Variants in TANC2 observed in about 807,000 individuals in gnomAD.
TANC2 encodes the protein tetratricopeptide repeat, ankyrin repeat and coiled-coil containing 2, also known as protein TANC2.
TANC2 carries 26 observed loss-of-function variants against 210.5 expected under a neutral mutation model. The observed-to-expected ratio is 0.12, with a 90% CI of 0.09 to 0.17. The LOEUF (loss-of-function observed/expected upper bound fraction) is 0.17. Among genes scored for constraint, TANC2 ranks in the 10% least tolerant of loss-of-function variants. The pLI is 1.00. For missense variants in TANC2, 2,129 were observed against 2,608.9 expected (o/e 0.82, Z 4.01); for synonymous variants, 931 against 967.1 (o/e 0.96, Z 0.69).
At chr17:63,200,446 G>A (rs923168963) in intron 6 of TANC2, among the ~76,000 whole-genome samples, 11 of 151,636 alleles carry the variant, frequency 7.3e-5, no homozygotes, top group Non-Finnish European at 1.2e-4. Context: ...TGATTGCAAG[G>A]AAAACTTGCA....
chr17:63,102,107 C>T (rs1488969860), intron 4 of TANC2, among the ~76,000 whole-genome samples: 2 of 151,984 alleles, frequency 1.3e-5, no homozygotes, highest in Non-Finnish European at 2.9e-5. Context: ...TTGAGACCAC[C>T]CTGGACAACA....
At chr17:63,258,245 A>G (rs1423812086) in intron 8 of TANC2, among the ~76,000 whole-genome samples, 1 of 151,828 alleles carries the variant, frequency 6.6e-6, no homozygotes, top group African/African-American at 2.4e-5. Context: ...GCTCCTTTGT[A>G]TGTTGTTTCT....
intron 3 of TANC2, among the ~76,000 whole-genome samples, chr17:63,078,525 C>G (rs1359711094): frequency 6.6e-6 from 1 of 151,972 alleles, no homozygotes; most frequent in Non-Finnish European, 1.5e-5. Context: ...AAAGCTTTCT[C>G]TTCTAATATA....
At chr17:63,188,903 C>A (rs537357007) in intron 5 of TANC2, among the ~76,000 whole-genome samples, 2 of 150,746 alleles carry the variant, frequency 1.3e-5, no homozygotes, top group African/African-American at 4.9e-5. Context: ...CACCCCCCCC[C>A]AAAAAAAAAT....
intron 5 of TANC2, among the ~76,000 whole-genome samples, chr17:63,179,157 C>T (rs528138019): frequency 1.3e-5 from 2 of 152,056 alleles, no homozygotes; most frequent in African/African-American, 2.4e-5. Flanking sequence ...TTATTTCCCC[C>T]GTGAGACTAT....
chr17:63,370,692 A>G (rs1252548528), intron 14 of TANC2, among the ~76,000 whole-genome samples: 1 of 152,140 alleles, frequency 6.6e-6, no homozygotes, highest in Non-Finnish European at 1.5e-5. Flanking sequence ...GCCCTGTACC[A>G]TTTTTCAGAG....
At chr17:63,285,134 GCTT>G (rs2044181768) in intron 9 of TANC2, among the ~76,000 whole-genome samples, 1 of 151,926 alleles carries the variant, frequency 6.6e-6, no homozygotes, top group Non-Finnish European at 1.5e-5. Context: ...TTTACAGTGA[GCTT>G]CTTATTAGCA....
rs540270869 is a variant in TANC2, at chr17:63,233,965, A to G, written c.770-3849A>G. Among the ~76,000 whole-genome samples the G allele has an allele frequency of 3.3e-5, 5 of 152,324 alleles. 1 individual carries two copies. In the East Asian group the frequency reaches 9.6e-4, roughly 29 times the overall value. ...TTTTTCCAACAGGTAAAGTAAAATA[A>G]AGTAAATTAAGTAAAGATAAAAGAC... is the stretch of plus-strand genomic sequence containing the variant. On this transcript the variant is annotated intron_variant, in intron 7 of 27. Coordinates refer to ENST00000689528, the Ensembl canonical transcript of TANC2.
At chr17:63,283,754 G>T (rs929770498) in intron 9 of TANC2, among the ~76,000 whole-genome samples, 2 of 151,856 alleles carry the variant, frequency 1.3e-5, no homozygotes, top group Non-Finnish European at 2.9e-5. Context: ...TATTGTAAAT[G>T]ATATTGCTTT....
At chr17:63,336,763 A>G (rs530405171) in intron 11 of TANC2, among the ~76,000 whole-genome samples, 2 of 152,248 alleles carry the variant, frequency 1.3e-5, no homozygotes, top group Non-Finnish European at 2.9e-5. Context: ...ATAATGTAAG[A>G]AAGACATAGC....
At chr17:63,355,350 A>G in exon 14 of TANC2, 1 of 1,604,124 alleles carries the variant, frequency 6.2e-7, no homozygotes, top group Non-Finnish European at 8.5e-7. Context: ...GCTTATCTGG[A>G]GAGAAGAAGG....
chr17:63,287,865 G>A (rs374182066), intron 9 of TANC2, among the ~76,000 whole-genome samples: 22 of 151,934 alleles, frequency 1.4e-4, no homozygotes, highest in African/African-American at 5.3e-4. Flanking sequence ...TAGTAGAGAC[G>A]GGGTTTCACC....
chr17:63,132,805 A>G (rs549414625), intron 4 of TANC2, among the ~76,000 whole-genome samples: 1 of 152,314 alleles, frequency 6.6e-6, no homozygotes, highest in African/African-American at 2.4e-5. Context: ...TGCACATTCC[A>G]GCAACAAGCC....
At chr17:63,230,268 G>C (rs1011541684) in intron 7 of TANC2, among the ~76,000 whole-genome samples, 4 of 151,858 alleles carry the variant, frequency 2.6e-5, no homozygotes, top group Non-Finnish European at 4.4e-5. Flanking sequence ...AGGGTTTTTT[G>C]TGTCTCTGTC....
chr17:63,085,954 G>A (rs986140884), intron 3 of TANC2, among the ~76,000 whole-genome samples: 4 of 151,180 alleles, frequency 2.6e-5, no homozygotes, highest in African/African-American at 9.7e-5. Flanking sequence ...CAAATTTTCT[G>A]TTTTTGTTTG....
intron 9 of TANC2, among the ~76,000 whole-genome samples, chr17:63,300,113 G>C (rs990358890): frequency 6.6e-6 from 1 of 152,142 alleles, no homozygotes; most frequent in African/African-American, 2.4e-5. Context: ...TGGTATTTCT[G>C]AGGTCTCTGT....
chr17:63,244,575 C>T (rs918630652), intron 8 of TANC2, among the ~76,000 whole-genome samples: 1 of 152,178 alleles, frequency 6.6e-6, no homozygotes, highest in Non-Finnish European at 1.5e-5. Context: ...CTTGTTTGTG[C>T]TGTTATCATT....
chr17:63,188,868 A>G lies in TANC2; in HGVS notation c.434-5123A>G, dbSNP rs1444647798. Among the ~76,000 whole-genome samples the G allele has an allele frequency of 2.6e-5, 4 of 151,870 alleles. No individual in the cohort carries two copies. The East Asian group carries it at 5.8e-4, about 22-fold the overall frequency. ...ATATTTACAGACTTGTGTAACTATC[A>G]CCACTAATTTTAGAGCATTTTTATC... is the stretch of plus-strand genomic sequence containing the variant. On this transcript the variant is annotated intron_variant, in intron 5 of 27. Transcript: ENST00000689528.
At chr17:63,133,615 A>G (rs978902193) in intron 4 of TANC2, among the ~76,000 whole-genome samples, 11 of 152,210 alleles carry the variant, frequency 7.2e-5, no homozygotes, top group Non-Finnish European at 1.5e-4. Context: ...TTCCAGTCCA[A>G]GTCTGTTTCT....
Sources: allele counts gnomAD v4.1 joint callset (sites outside exome capture counted in the v4.1 genomes callset), GRCh38; gene constraint gnomAD v4.1.1; transcripts MANE v1.5; gene names NCBI Gene and HGNC (gene_info 2026-07-23, HGNC 2026-07-21).